CTNNA3: variants seen among roughly 807,000 people sequenced by gnomAD.
CTNNA3 encodes the protein catenin alpha 3, also known as catenin alpha-3.
Under a neutral mutation model 95.7 loss-of-function variants are expected in CTNNA3, and 76 were observed. The ratio of observed to expected loss-of-function variants is 0.79; its 90% confidence interval spans 0.66 to 0.96. The LOEUF is 0.96. Among genes scored for constraint, CTNNA3 ranks in the 40% least tolerant of loss-of-function variants. The pLI, the probability that CTNNA3 is intolerant of heterozygous loss-of-function variation, is 0.00. For missense variants in CTNNA3, 1,191 were observed against 1,089.8 expected (o/e 1.09, Z -1.31); for synonymous variants, 431 against 374.4 (o/e 1.15, Z -1.74).
chr10:66,881,240 G>T (rs1316141478), intron 7 of CTNNA3, among the ~76,000 whole-genome samples: 1 of 152,076 alleles, frequency 6.6e-6, no homozygotes, highest in African/African-American at 2.4e-5. Context: ...ATAATGCACT[G>T]GTGTTCACAC....
chr10:66,287,182 C>T lies in CTNNA3; in HGVS notation c.1733-6561G>A, dbSNP rs2091602713. ...TGGTGGCATGTGCCTGTAGTTTCTA[C>T]TACTTGGAAGGCTGAAGCAAGAGGA... On this transcript the variant is annotated intron_variant, in intron 12 of 17. Coordinates refer to ENST00000433211, the MANE Select transcript of CTNNA3 (RefSeq NM_013266.4). Among the ~76,000 whole-genome samples the T allele has an allele frequency of 2.6e-5, 4 of 152,032 alleles. No individual in the cohort carries two copies. In the South Asian group the frequency reaches 8.3e-4, roughly 32 times the overall value.
intron 17 of CTNNA3, among the ~76,000 whole-genome samples, chr10:65,931,714 G>T (rs2077256489): frequency 6.6e-6 from 1 of 152,200 alleles, no homozygotes; most frequent in Admixed American, 6.5e-5. Context: ...CAAATCAGAA[G>T]TCTCTCTCTT....
At chr10:66,505,287 C>T (rs1305510609) in intron 11 of CTNNA3, among the ~76,000 whole-genome samples, 4 of 152,172 alleles carry the variant, frequency 2.6e-5, no homozygotes, top group Non-Finnish European at 5.9e-5. Flanking sequence ...TAATTCAAAA[C>T]ATAATTACCA....
At chr10:66,167,080 C>T (rs2085169617) in intron 13 of CTNNA3, among the ~76,000 whole-genome samples, 2 of 152,058 alleles carry the variant, frequency 1.3e-5, no homozygotes, top group African/African-American at 2.4e-5. Context: ...TTGTAACATG[C>T]AATATGCCTT....
At chr10:67,748,391 C>G (rs1841384603) in intron 1 of CTNNA3, among the ~76,000 whole-genome samples, 1 of 152,158 alleles carries the variant, frequency 6.6e-6, no homozygotes. Flanking sequence ...TCCCATCAGA[C>G]TAACAGCAGA....
intron 5 of CTNNA3, among the ~76,000 whole-genome samples, chr10:67,521,611 G>C (rs779936745): frequency 5.9e-5 from 9 of 152,270 alleles, no homozygotes; most frequent in Non-Finnish European, 8.8e-5. Flanking sequence ...TTTTCTTTAA[G>C]AGAGGTATAA....
At chr10:66,851,662 A>ACACACACG (rs1233638184) in intron 7 of CTNNA3, among the ~76,000 whole-genome samples, 1 of 107,522 alleles carries the variant, frequency 9.3e-6, no homozygotes, top group East Asian at 2.1e-4. Context: ...ACACACACAC[A>ACACACACG]CACACACACG....
intron 11 of CTNNA3, among the ~76,000 whole-genome samples, chr10:66,449,438 T>G (rs1214397712): frequency 6.6e-6 from 1 of 152,160 alleles, no homozygotes; most frequent in African/African-American, 2.4e-5. Context: ...GTGGTCAAAA[T>G]TACATGAAAC....
chr10:67,164,755 A>AGTAT (rs1861686586), intron 7 of CTNNA3, among the ~76,000 whole-genome samples: 1 of 152,218 alleles, frequency 6.6e-6, no homozygotes, highest in African/African-American at 2.4e-5. Context: ...TTCACTGAAG[A>AGTAT]GTATGTACAG....
intron 7 of CTNNA3, among the ~76,000 whole-genome samples, chr10:67,028,197 C>T (rs745866762): frequency 3.9e-4 from 60 of 152,250 alleles, no homozygotes; most frequent in Non-Finnish European, 6.3e-4. Context: ...TGGAGTTTCC[C>T]ATCCACTCTT....
chr10:66,712,586 T>C (rs1000750008), intron 9 of CTNNA3, among the ~76,000 whole-genome samples: 3 of 145,890 alleles, frequency 2.1e-5, no homozygotes, highest in African/African-American at 7.6e-5. Context: ...GCTCTCACTC[T>C]CTCTCCCTCT....
At chr10:66,848,362 C>T (rs7099541) in intron 7 of CTNNA3, among the ~76,000 whole-genome samples, 84,435 of 151,960 alleles carry the variant, frequency 0.56, 24,184 homozygotes, top group African/African-American at 0.67. Flanking sequence ...GCTCTGTACA[C>T]GGTTTTAGTG....
intron 7 of CTNNA3, among the ~76,000 whole-genome samples, chr10:67,102,953 T>C (rs1858425556): frequency 6.6e-6 from 1 of 151,804 alleles, no homozygotes; most frequent in African/African-American, 2.4e-5. Flanking sequence ...TAAGACAACA[T>C]GGATGGATAA....
At chr10:66,365,071 G>A (rs1008783078) in intron 12 of CTNNA3, among the ~76,000 whole-genome samples, 3 of 152,078 alleles carry the variant, frequency 2.0e-5, no homozygotes, top group African/African-American at 4.8e-5. Flanking sequence ...AATGTCAGGC[G>A]AGAAAACAGG....
intron 12 of CTNNA3, 122 bp from the exon 13 acceptor site, chr10:66,280,743 AT>A: frequency 1.6e-6 from 1 of 635,138 alleles, no homozygotes; most frequent in Non-Finnish European, 2.5e-6. Context: ...CTTTAATTGT[AT>A]TTTTTAAATA....
At chr10:66,285,150 A>G (rs564847191) in intron 12 of CTNNA3, among the ~76,000 whole-genome samples, 42 of 150,740 alleles carry the variant, frequency 2.8e-4, no homozygotes, top group Middle Eastern at 3.4e-3. Context: ...CAAGAGCAGC[A>G]CTTTTGACCT....
chr10:66,297,664 G>C (rs934027886), intron 12 of CTNNA3, among the ~76,000 whole-genome samples: 1 of 152,248 alleles, frequency 6.6e-6, no homozygotes, highest in Non-Finnish European at 1.5e-5. Flanking sequence ...GCTTTCAAAA[G>C]AGATGTTTCT....
At chr10:66,233,658 A>G (rs759681752) in intron 13 of CTNNA3, among the ~76,000 whole-genome samples, 1 of 145,284 alleles carries the variant, frequency 6.9e-6, no homozygotes, top group African/African-American at 2.5e-5. Flanking sequence ...GACTGATATC[A>G]TTGAGTGTTG....
intron 7 of CTNNA3, among the ~76,000 whole-genome samples, chr10:66,911,964 A>C (rs1846240818): frequency 6.6e-6 from 1 of 152,226 alleles, no homozygotes; most frequent in African/African-American, 2.4e-5. Flanking sequence ...AAAGGAAAAC[A>C]CAATGATTGA....
Sources: allele counts gnomAD v4.1 joint callset (sites outside exome capture counted in the v4.1 genomes callset), GRCh38; gene constraint gnomAD v4.1.1; transcripts MANE v1.5; gene names NCBI Gene and HGNC (gene_info 2026-07-23, HGNC 2026-07-21).